Variants in GYS1 observed in about 807,000 individuals in gnomAD.
GYS1 encodes glycogen [starch] synthase, muscle.
Under a neutral mutation model 89.1 loss-of-function variants are expected in GYS1, and 60 were observed. The observed-to-expected ratio is 0.67, with a 90% CI of 0.55 to 0.84. GYS1 has a LOEUF of 0.84. Among genes scored for constraint, GYS1 ranks in the 40% least tolerant of loss-of-function variants. The pLI is 0.00. For missense variants in GYS1, 888 were observed against 1,003.1 expected (o/e 0.89, Z 1.55); for synonymous variants, 366 against 401.7 (o/e 0.91, Z 1.06).
At position 48,981,535 on chromosome 19, in the gene GYS1, C is replaced by T. The variant is rs901649464; in HGVS notation, c.1164G>A (p.Gln388=). The part of the protein sequence containing the change: ...ETLKGQAVRK[Q]LWDTANTVKE... ...CCGGAGCGAGGGCTGCTAACCAAAG[C>T]TGTTTGCGCACAGCTTGGCCTTTGA... Residue 388 remains glutamine (Q), a synonymous_variant, in exon 8 of 16, where the codon CAG becomes CAA. Coordinates refer to ENST00000323798, the MANE Select transcript of GYS1 (RefSeq NM_002103.5). The T allele has an allele frequency of 1.9e-6, 3 of 1,597,730 alleles. No individual in the cohort carries two copies. In the African/African-American group the frequency reaches 4.0e-5, roughly 21 times the overall value.
In GYS1 at chr19:48,991,016, G is replaced by A. The variant is rs908499288; in HGVS notation, c.300+286C>T. Among the ~76,000 whole-genome samples, 5 of 152,102 alleles carry A rather than the reference G, an allele frequency of 3.3e-5. No homozygotes were observed. The highest frequency in any genetic ancestry group is 6.6e-5 in the Admixed American group (1 of 15,246). Reference sequence around the variant, plus strand: ...CGCCATGTTGACCAGGCTGTCTTTCGATCTTGCTCTCTTTCTCTCTGGGTC... The same window carrying A: ...CGCCATGTTGACCAGGCTGTCTTTCAATCTTGCTCTCTTTCTCTCTGGGTC... On this transcript the variant is annotated intron_variant, in intron 2 of 15. Coordinates refer to ENST00000323798, the MANE Select transcript of GYS1 (RefSeq NM_002103.5). The surrounding 1 kb of genome is among the most constrained non-coding windows in gnomAD (Gnocchi z 4.7).
At chr19:48,981,669 T>C in intron 7 of GYS1, 33 bp from the exon 8 acceptor site, 1 of 1,357,884 alleles carries the variant, frequency 7.4e-7, no homozygotes, top group East Asian at 2.3e-5. Context: ...GAGGCCAGGA[T>C]CATGTGGGGG....
rs2038970658 is a variant in GYS1, at chr19:48,993,228, A to C, written c.-116T>G. 1 of 764,826 alleles carries C rather than the reference A, an allele frequency of 1.3e-6. No homozygotes were observed. Among genetic ancestry groups the C allele is most frequent in the Non-Finnish European group, 2.4e-6 (1 of 418,762 alleles). The allele number at this position is 764,826 out of a possible 1,614,324, so 47.4% of individuals were successfully genotyped here. A position where few individuals can be genotyped will look rare whatever the true frequency, so the allele number is the denominator to read the frequency against. On this transcript the variant is annotated 5_prime_UTR_variant, in exon 1 of 16. Coordinates refer to ENST00000323798, the MANE Select transcript of GYS1 (RefSeq NM_002103.5). The stretch of plus-strand genomic sequence containing the variant: ...AGCTGGTGCCCGACGGGAAGCTTGC[A>C]AGACGCTCGGCTTCCTATTGCAAGA...
At position 48,991,068 on chromosome 19, in the gene GYS1, G is replaced by A. The variant is rs2038917952; in HGVS notation, c.300+234C>T. On this transcript the variant is annotated intron_variant, in intron 2 of 15. Transcript: ENST00000323798. This position sits in a 1 kb window ranked among gnomAD's most constrained non-coding sequence, Gnocchi z 4.7. ...GAGGACCTTGGCCTCTTGGATCTCC[G>A]TCTCAGTCTGTCTCATACTTGCCAT... Among the ~76,000 whole-genome samples the A allele has an allele frequency of 1.3e-5, 2 of 152,164 alleles. No individual in the cohort carries two copies. The highest frequency in any genetic ancestry group is 6.5e-5 in the Admixed American group (1 of 15,280).
At chr19:48,986,100 G>A in intron 3 of GYS1, 65 bp from the exon 4 acceptor site, 4 of 1,462,512 alleles carry the variant, frequency 2.7e-6, no homozygotes, top group Non-Finnish European at 3.8e-6. Flanking sequence ...GCAATCCCCA[G>A]TAGGGACAAG....
At chr19:48,974,541 G>T in intron 11 of GYS1, 79 bp downstream of exon 11, 1 of 1,082,270 alleles carries the variant, frequency 9.2e-7, no homozygotes, top group East Asian at 2.4e-5. Flanking sequence ...AAACTTATAG[G>T]GGAATGGAGT....
intron 10 of GYS1, 138 bp downstream of exon 10, chr19:48,977,786 C>G (rs2038681282): frequency 2.7e-6 from 2 of 736,290 alleles, no homozygotes; most frequent in Admixed American, 2.0e-5. Context: ...TTCTGTGGAC[C>G]TCAGAATAGA....
Position 48,974,656 on chromosome 19 carries a change from T to A in GYS1, c.1386A>T (p.Arg462=), listed in dbSNP as rs771403714. ...CGGCACTGCTATTGAAGAGGCCGATTCGGCGGATGGTGGTCAGGATGGGGT... is the reference window on the plus strand; with the variant it reads ...CGGCACTGCTATTGAAGAGGCCGATACGGCGGATGGTGGTCAGGATGGGGT... ...SSDPILTTIR[R]IGLFNSSADR... The change falls in exon 11 of 16, where the codon CGA becomes CGT. Residue 462 remains arginine, a synonymous_variant. Coordinates refer to ENST00000323798, the MANE Select transcript of GYS1 (RefSeq NM_002103.5). 1 of 1,613,950 alleles carries A rather than the reference T, an allele frequency of 6.2e-7. No homozygotes were observed. The highest frequency in any genetic ancestry group is 8.5e-7 in the Non-Finnish European group (1 of 1,179,952).
intron 8 of GYS1, chr19:48,981,299 G>C: frequency 1.9e-6 from 1 of 513,624 alleles, no homozygotes; most frequent in Non-Finnish European, 3.6e-6. Flanking sequence ...TGTAGTCCCA[G>C]CTACTCGAGA....
chr19:48,974,795 A>C, intron 10 of GYS1, 62 bp from the exon 11 acceptor site: 3 of 1,196,816 alleles, frequency 2.5e-6, no homozygotes, highest in Non-Finnish European at 3.7e-6. Flanking sequence ...CTACTTCCTC[A>C]TGAGCCATGC....
Position 48,969,608 on chromosome 19 carries a change from G to A in GYS1, c.1894C>T (p.Gln632Ter), listed in dbSNP as rs1325022727. 6.5e-7 allele frequency: 1 copy of A among 1,540,770 alleles called. No individual in the cohort carries two copies. The highest frequency in any genetic ancestry group is 8.7e-7 in the Non-Finnish European group (1 of 1,148,452). ...TYEPNEADAA[Q>*]GYRYPRPASV... Reference sequence around the variant, plus strand: ...GCTGGCCGTGGGTAGCGGTACCCCTGGGCCTGCATACGGCGATGTGGGTGC... The same window carrying A: ...GCTGGCCGTGGGTAGCGGTACCCCTAGGCCTGCATACGGCGATGTGGGTGC... Residue 632 changes from glutamine to a stop codon, truncating the protein, a stop_gained, in exon 16 of 16, where the codon CAG (glutamine) becomes TAG (stop). Coordinates refer to ENST00000323798, the MANE Select transcript of GYS1 (RefSeq NM_002103.5). LOFTEE classifies it high-confidence loss of function.
At chr19:48,982,689 C>T in intron 6 of GYS1, 31 bp downstream of exon 6, 1 of 1,432,582 alleles carries the variant, frequency 7.0e-7, no homozygotes, top group Middle Eastern at 1.8e-4. Context: ...ACGCCCTCCT[C>T]TCTTAAGACC....
At chr19:48,981,395 A>T (rs970233274) in intron 8 of GYS1, 135 bp downstream of exon 8, 1 of 692,582 alleles carries the variant, frequency 1.4e-6, no homozygotes, top group Non-Finnish European at 2.6e-6. Flanking sequence ...CCTGGGCGAC[A>T]GAGTGAGACT....
Position 48,971,861 on chromosome 19 carries a change from CT to C in GYS1, c.1550-839del, listed in dbSNP as rs540518757. 4.2e-3 allele frequency among the ~76,000 whole-genome samples: 580 copies of C among 137,854 alleles called. 2 individuals are homozygous for C. Among genetic ancestry groups the C allele is most frequent in the African/African-American group, 1.0e-2 (375 of 37,640 alleles). 90.4% of individuals were successfully genotyped at this position (137,854 alleles called of 152,430 possible). On this transcript the variant is annotated intron_variant, in intron 12 of 15. Transcript: ENST00000323798. ...GTGAGCCACTGCGCCTGGCCCAATG[CT>C]TTTTTTTTTTTTTTCTCGAGACAAG...
chr19:48,977,681 C>T (rs978617050), intron 10 of GYS1, among the ~76,000 whole-genome samples: 50 of 152,172 alleles, frequency 3.3e-4, no homozygotes, highest in African/African-American at 1.2e-3. Flanking sequence ...AACCACACGT[C>T]CCAGCAACCC....
At position 48,993,128 on chromosome 19, in the gene GYS1, G is replaced by A. The variant is rs774665902; in HGVS notation, c.-16C>T. 3 of 1,399,766 alleles carry A rather than the reference G, an allele frequency of 2.1e-6. No homozygotes were observed. The highest frequency in any genetic ancestry group is 3.0e-6 in the Non-Finnish European group (3 of 984,976). 86.7% of individuals were successfully genotyped at this position (1,399,766 alleles called of 1,614,324 possible). A position where few individuals can be genotyped will look rare whatever the true frequency, so the allele number is the denominator to read the frequency against. On this transcript the variant is annotated 5_prime_UTR_variant, in exon 1 of 16. Coordinates refer to ENST00000323798, the MANE Select transcript of GYS1 (RefSeq NM_002103.5). ...TTAAAGGCATGGCTGGCGCAGGAAG[G>A]GGGGCTCCGGGGATCTCCAGGTAGG...
intron 2 of GYS1, among the ~76,000 whole-genome samples, chr19:48,989,190 T>C (rs1370299583): frequency 1.3e-5 from 2 of 151,962 alleles, no homozygotes; most frequent in African/African-American, 4.8e-5. Context: ...GGTGCAATCA[T>C]GGCTCACTGG....
chr19:48,977,409 A>G (rs1034261878), intron 10 of GYS1, among the ~76,000 whole-genome samples: 1 of 152,000 alleles, frequency 6.6e-6, no homozygotes, highest in Non-Finnish European at 1.5e-5. Flanking sequence ...CCTGGCCAAC[A>G]TGGTGAAATC....
chr19:48,973,505 ATTTTTTT>A (rs34032782), intron 12 of GYS1, among the ~76,000 whole-genome samples: 1 of 120,616 alleles, frequency 8.3e-6, no homozygotes, highest in African/African-American at 3.2e-5. Context: ...TTTAGCTTTA[ATTTTTTT>A]TTTTTTTTTT....
Sources: allele counts gnomAD v4.1 joint callset (sites outside exome capture counted in the v4.1 genomes callset), GRCh38; gene constraint gnomAD v4.1.1; non-coding constraint Gnocchi (gnomAD v3.1); transcripts MANE v1.5; gene names NCBI Gene and HGNC (gene_info 2026-07-23, HGNC 2026-07-21).